The following SLMAP variants were observed in gnomAD, a reference collection of about 807,000 sequenced individuals.
SLMAP encodes the protein sarcolemma associated protein.
In SLMAP, 44 loss-of-function variants were observed where a neutral mutation model predicts 128.8. The ratio of observed to expected loss-of-function variants is 0.34; its 90% CI spans 0.27 to 0.44. The LOEUF (loss-of-function observed/expected upper bound fraction) is 0.44, where lower values mean the gene tolerates loss of function less well. Among genes scored for constraint, SLMAP ranks in the 20% least tolerant of loss-of-function variants. The probability of loss-of-function intolerance (pLI) is 1.00; values close to 1 mark genes in which losing one functional copy is unlikely to be tolerated. For missense variants in SLMAP, 787 were observed against 985.3 expected, an observed-to-expected ratio of 0.80 and a Z score of 2.69; for synonymous variants, 327 against 348.8, an observed-to-expected ratio of 0.94 and a Z score of 0.70.
intron 3 of SLMAP, among the ~76,000 whole-genome samples, chr3:57,838,449 C>G (rs1021638778): frequency 7.9e-5 from 12 of 152,262 alleles, no homozygotes; most frequent in African/African-American, 2.9e-4. Flanking sequence ...AGGCATGTTC[C>G]TCAACATCTT....
At chr3:57,842,463 T>C (rs990598408) in intron 4 of SLMAP, among the ~76,000 whole-genome samples, 2 of 152,194 alleles carry the variant, frequency 1.3e-5, no homozygotes, top group Non-Finnish European at 2.9e-5. Flanking sequence ...AAGTTTAATA[T>C]AACTTAGCTT....
chr3:57,763,521 C>A (rs534374139), intron 2 of SLMAP, among the ~76,000 whole-genome samples: 1 of 151,976 alleles, frequency 6.6e-6, no homozygotes, highest in African/African-American at 2.4e-5. Flanking sequence ...GCAATCCACC[C>A]GCCCCGGCCT....
intron 2 of SLMAP, among the ~76,000 whole-genome samples, chr3:57,813,095 CT>C (rs200561601): frequency 0.019 from 2,296 of 120,820 alleles, 14 homozygotes; most frequent in African/African-American, 0.039. Context: ...CGTTTGGATG[CT>C]TTTTTTTTTT....
intron 2 of SLMAP, among the ~76,000 whole-genome samples, chr3:57,761,645 T>C (rs2078657317): frequency 6.6e-6 from 1 of 152,166 alleles, no homozygotes; most frequent in Non-Finnish European, 1.5e-5. Flanking sequence ...TTTGTCTAAA[T>C]TGGCAGTTTA....
intron 2 of SLMAP, among the ~76,000 whole-genome samples, chr3:57,802,954 A>G (rs2088909017): frequency 6.6e-6 from 1 of 152,246 alleles, no homozygotes; most frequent in Admixed American, 6.5e-5. Flanking sequence ...ATAGCACTAT[A>G]CTTGAGAAGA....
At chr3:57,760,164 G>A (rs755671684) in intron 2 of SLMAP, among the ~76,000 whole-genome samples, 3 of 151,938 alleles carry the variant, frequency 2.0e-5, no homozygotes, top group South Asian at 2.1e-4. Context: ...GGTCTTGAAC[G>A]CCTGACCTCA....
At chr3:57,912,267 C>A in intron 19 of SLMAP, 114 bp from the exon 20 acceptor site, 2 of 831,376 alleles carry the variant, frequency 2.4e-6, no homozygotes, top group Non-Finnish European at 3.8e-6. Context: ...ATTGTTTATA[C>A]ACTTTAATCA....
chr3:57,859,675 A>G (rs2094957776), intron 8 of SLMAP, among the ~76,000 whole-genome samples: 1 of 152,166 alleles, frequency 6.6e-6, no homozygotes, highest in Admixed American at 6.5e-5. Context: ...TAAAGGCATA[A>G]AGAGTGCTAT....
At position 57,927,608 on chromosome 3, in the gene SLMAP, C is replaced by T. The variant is rs779122512; in HGVS notation, c.*319C>T. ...TCTACTGTAAGCAATAATTTGCTTG[C>T]AATTTTTCATGTAATTTTTAAATTA... On this transcript the variant is annotated 3_prime_UTR_variant, in exon 25 of 25. Coordinates refer to ENST00000671191, the MANE Select transcript of SLMAP (RefSeq NM_001377540.1). 9 of 276,518 alleles carry T rather than the reference C, an allele frequency of 3.3e-5. No individual in the cohort carries two copies. The highest frequency in any genetic ancestry group is 5.3e-5 in the Non-Finnish European group (8 of 149,956). The allele number at this position is 276,518 out of a possible 1,614,324, so 17.1% of individuals were successfully genotyped here.
At chr3:57,889,575 A>C (rs2096004262) in intron 14 of SLMAP, among the ~76,000 whole-genome samples, 1 of 152,214 alleles carries the variant, frequency 6.6e-6, no homozygotes, top group Admixed American at 6.5e-5. Flanking sequence ...ATTTCTTTGA[A>C]TAGCTTTTCT....
intron 2 of SLMAP, among the ~76,000 whole-genome samples, chr3:57,782,499 G>T (rs1019823722): frequency 6.6e-6 from 1 of 152,144 alleles, no homozygotes; most frequent in African/African-American, 2.4e-5. Context: ...TGTTGAGACG[G>T]TCTCACTCTG....
chr3:57,860,861 T>C (rs527314706), intron 9 of SLMAP, 22 bp downstream of exon 9: 1 of 1,528,346 alleles, frequency 6.5e-7, no homozygotes, highest in Non-Finnish European at 8.9e-7. Flanking sequence ...AAAAAAAAAA[T>C]ACTAAATAGT....
At chr3:57,891,605 T>C (rs2096072531) in intron 15 of SLMAP, among the ~76,000 whole-genome samples, 1 of 152,004 alleles carries the variant, frequency 6.6e-6, no homozygotes, top group African/African-American at 2.4e-5. Flanking sequence ...AGACGGAGTT[T>C]CGCTCATGTT....
At chr3:57,867,156 G>A (rs1030995853) in intron 13 of SLMAP, among the ~76,000 whole-genome samples, 2 of 152,156 alleles carry the variant, frequency 1.3e-5, no homozygotes, top group African/African-American at 2.4e-5. Flanking sequence ...CCCAACCTGG[G>A]CAACAGAGTG....
At chr3:57,897,051 C>A in intron 17 of SLMAP, 119 bp downstream of exon 17, 1 of 1,485,460 alleles carries the variant, frequency 6.7e-7, no homozygotes, top group Non-Finnish European at 8.9e-7. Flanking sequence ...AAGATAGGTT[C>A]TGTAAAGTAG....
Position 57,757,279 on chromosome 3 carries a change from C to A in SLMAP, c.-373C>A. 1 of 301,406 alleles carries A rather than the reference C, an allele frequency of 3.3e-6. No homozygotes were observed. The highest frequency in any genetic ancestry group is 6.4e-6 in the Non-Finnish European group (1 of 157,046). 18.7% of individuals were successfully genotyped at this position (301,406 alleles called of 1,614,324 possible). ...AGCGGCCGCGATCTCAAACCAAACA[C>A]AAGAATTGGCGTGTGACTCATCTGC... On this transcript the variant is annotated 5_prime_UTR_variant, in exon 2 of 25. Coordinates refer to ENST00000671191, the MANE Select transcript of SLMAP (RefSeq NM_001377540.1).
At chr3:57,807,944 C>T (rs988838112) in intron 2 of SLMAP, among the ~76,000 whole-genome samples, 1 of 152,140 alleles carries the variant, frequency 6.6e-6, no homozygotes, top group African/African-American at 2.4e-5. Context: ...GCCTCCATTT[C>T]AGAACTTGTT....
intron 3 of SLMAP, among the ~76,000 whole-genome samples, chr3:57,837,680 T>C (rs1268654594): frequency 6.6e-6 from 1 of 152,204 alleles, no homozygotes; most frequent in African/African-American, 2.4e-5. Flanking sequence ...CTAAATCTCT[T>C]TTAAACCAAG....
At chr3:57,825,267 C>A (rs946991287) in intron 2 of SLMAP, among the ~76,000 whole-genome samples, 1 of 150,640 alleles carries the variant, frequency 6.6e-6, no homozygotes, top group African/African-American at 2.4e-5. Flanking sequence ...ACTTCTAGTA[C>A]AGTGTTGAAC....
Sources: allele counts gnomAD v4.1 joint callset (sites outside exome capture counted in the v4.1 genomes callset), GRCh38; gene constraint gnomAD v4.1.1; transcripts MANE v1.5; gene names NCBI Gene and HGNC (gene_info 2026-07-23, HGNC 2026-07-21).